The following GOLGA8B variants were observed in gnomAD, a reference collection of about 807,000 sequenced individuals.
GOLGA8B encodes the protein golgin A8 family member B.
GOLGA8B carries 1 observed loss-of-function variant against 15.6 expected under a neutral mutation model. That is an observed-to-expected ratio of 0.06 (90% CI 0.02 to 0.30). The LOEUF is 0.30. Ranked by LOEUF, GOLGA8B falls within the 10% of genes least tolerant of loss-of-function variation. GOLGA8B has a pLI of 1.00. For missense variants in GOLGA8B, 17 were observed against 201.3 expected (o/e 0.08, Z 5.54); for synonymous variants, 9 against 80.3 (o/e 0.11, Z 4.75).
At chr15:34,563,470 CTT>C (rs1374940928) in intron 1 of GOLGA8B, among the ~76,000 whole-genome samples, 3 of 148,498 alleles carry the variant, frequency 2.0e-5, no homozygotes, top group Non-Finnish European at 4.5e-5. Flanking sequence ...TAACCTCCAC[CTT>C]TGTTTGCTTT....
intron 1 of GOLGA8B, among the ~76,000 whole-genome samples, chr15:34,569,274 G>C (rs1566934980): frequency 6.9e-6 from 1 of 144,568 alleles, no homozygotes; most frequent in Non-Finnish European, 1.5e-5. Context: ...AACAGAGAAT[G>C]GATGCCTAGC....
rs1595695607 is a variant in GOLGA8B at position 34,525,579 on chromosome 15, A to G, written c.*2053T>C. 6.7e-6 allele frequency: 1 copy of G among 149,946 alleles called. No individual in the cohort carries two copies. Among genetic ancestry groups the G allele is most frequent in the East Asian group, 1.9e-4 (1 of 5,136 alleles). 9.3% of individuals were successfully genotyped at this position (149,946 alleles called of 1,614,324 possible). A position where few individuals can be genotyped will look rare whatever the true frequency, so the allele number is the denominator to read the frequency against. ...AGCAGTTACACTTTTAAATATTTAT[A>G]TTATTTTAAAATGACTCTTTAGGAT... is the stretch of plus-strand genomic sequence containing the variant. On this transcript the variant is annotated 3_prime_UTR_variant, in exon 24 of 24. Coordinates refer to ENST00000683415, the MANE Select transcript of GOLGA8B (RefSeq NM_001023567.5).
chr15:34,564,314 A>C (rs1453066090), intron 1 of GOLGA8B, among the ~76,000 whole-genome samples: 1 of 129,206 alleles, frequency 7.7e-6, no homozygotes, highest in Non-Finnish European at 1.6e-5. Flanking sequence ...TGGTCTCCAG[A>C]TTTCCCACTT....
In GOLGA8B at chr15:34,560,994, G is replaced by A. The variant is rs1279841907; in HGVS notation, c.-1122-7038C>T. On this transcript the variant is annotated intron_variant, in intron 1 of 23. Coordinates refer to ENST00000683415, the MANE Select transcript of GOLGA8B (RefSeq NM_001023567.5). ...ATTCTCCCTAGTTCTGCAGCTCTGG[G>A]GGCTGTAAGCGGCGGAGCTTCCACC... is the stretch of plus-strand genomic sequence containing the variant. 7.6e-5 allele frequency among the ~76,000 whole-genome samples: 11 copies of A among 145,600 alleles called. 2 individuals are homozygous for A. Among genetic ancestry groups the A allele is most frequent in the Admixed American group, 2.2e-4 (3 of 13,848 alleles).
intron 1 of GOLGA8B, among the ~76,000 whole-genome samples, chr15:34,579,261 G>A (rs1450548132): frequency 6.6e-6 from 1 of 151,880 alleles, no homozygotes; most frequent in Non-Finnish European, 1.5e-5. Context: ...CTCCAACCAG[G>A]CCAGGACACA....
chr15:34,543,174 T>C (rs1888239449), intron 7 of GOLGA8B, among the ~76,000 whole-genome samples: 1 of 106,968 alleles, frequency 9.3e-6, no homozygotes, highest in Non-Finnish European at 1.9e-5. Flanking sequence ...AATTCCATTT[T>C]ATATTTCCTT....
chr15:34,552,107 T>C (rs1888389448), intron 3 of GOLGA8B, among the ~76,000 whole-genome samples: 1 of 120,014 alleles, frequency 8.3e-6, no homozygotes, highest in Non-Finnish European at 1.8e-5. Context: ...TAATCACCAG[T>C]AGAATTAAAA....
chr15:34,583,334 C>T (rs574159915), intron 1 of GOLGA8B, among the ~76,000 whole-genome samples, 182 bp downstream of exon 1: 4 of 152,196 alleles, frequency 2.6e-5, no homozygotes, highest in African/African-American at 9.6e-5. Flanking sequence ...GCCAGCCGGG[C>T]TGCACCCCTA....
intron 1 of GOLGA8B, among the ~76,000 whole-genome samples, chr15:34,573,531 C>G (rs1164823251): frequency 1.1e-5 from 1 of 90,674 alleles, no homozygotes; most frequent in African/African-American, 4.2e-5. Flanking sequence ...AGTGAGACTC[C>G]GTCTCAAAAA....
intron 1 of GOLGA8B, among the ~76,000 whole-genome samples, chr15:34,580,775 C>T (rs143720620): frequency 2.2e-3 from 330 of 152,266 alleles, no homozygotes; most frequent in Non-Finnish European, 3.0e-3. Flanking sequence ...CATTGAGCAC[C>T]CCCAGCCCCT....
chr15:34,578,818 CA>C (rs1889152295), intron 1 of GOLGA8B, among the ~76,000 whole-genome samples: 1 of 152,128 alleles, frequency 6.6e-6, no homozygotes, highest in African/African-American at 2.4e-5. Flanking sequence ...GCAGGTATCT[CA>C]ACCACATATT....
intron 1 of GOLGA8B, among the ~76,000 whole-genome samples, chr15:34,578,101 T>C (rs146115260): frequency 1.3e-5 from 2 of 152,246 alleles, no homozygotes; most frequent in Non-Finnish European, 1.5e-5. Context: ...TAGTGTTCTC[T>C]GACTCACTAT....
chr15:34,579,778 G>A (rs1889180577), intron 1 of GOLGA8B, among the ~76,000 whole-genome samples: 2 of 152,188 alleles, frequency 1.3e-5, no homozygotes, highest in African/African-American at 2.4e-5. Flanking sequence ...TACTGCTCCC[G>A]TGTTTCATTC....
intron 7 of GOLGA8B, among the ~76,000 whole-genome samples, chr15:34,543,452 C>T (rs1396202120): frequency 4.5e-5 from 6 of 132,188 alleles, no homozygotes; most frequent in African/African-American, 1.8e-4. Context: ...TGCCATCCTC[C>T]CGCCTCAGCC....
rs1888084425 is a variant in GOLGA8B, at chr15:34,527,497, T to C, written c.*135A>G. 2 of 715,212 alleles carry C rather than the reference T, an allele frequency of 2.8e-6. No homozygotes were observed. Among genetic ancestry groups the C allele is most frequent in the Non-Finnish European group, 4.3e-6 (2 of 470,420 alleles). 44.3% of individuals were successfully genotyped at this position (715,212 alleles called of 1,614,324 possible). ...TAACTTTTTACAAATAAACTTAAAC[T>C]ATAAATTAGAAACACAAATAATCAT... On this transcript the variant is annotated 3_prime_UTR_variant, in exon 24 of 24. Coordinates refer to ENST00000683415, the MANE Select transcript of GOLGA8B (RefSeq NM_001023567.5).
At chr15:34,568,127 A>G (rs1326998883) in intron 1 of GOLGA8B, among the ~76,000 whole-genome samples, 2 of 150,354 alleles carry the variant, frequency 1.3e-5, no homozygotes, top group African/African-American at 4.9e-5. Flanking sequence ...AACACCCGGC[A>G]ACATGCAGAA....
At chr15:34,572,302 C>T (rs558659206) in intron 1 of GOLGA8B, among the ~76,000 whole-genome samples, 234 of 152,312 alleles carry the variant, frequency 1.5e-3, no homozygotes, top group Non-Finnish European at 2.7e-3. Flanking sequence ...CCCCGCAAGT[C>T]CACTTCTAGG....
intron 1 of GOLGA8B, among the ~76,000 whole-genome samples, chr15:34,571,187 G>A (rs1435999309): frequency 2.0e-5 from 3 of 152,178 alleles, no homozygotes; most frequent in East Asian, 3.9e-4. Context: ...TTAGCCAGGC[G>A]TGGTGGACCC....
At position 34,526,158 on chromosome 15, in the gene GOLGA8B, G is replaced by T. The variant is rs190713605; in HGVS notation, c.*1474C>A. 1 of 150,010 alleles carries T rather than the reference G, an allele frequency of 6.7e-6. No homozygotes were observed. The highest frequency in any genetic ancestry group is 1.5e-5 in the Non-Finnish European group (1 of 67,314). The allele number at this position is 150,010 out of a possible 1,614,324, so 9.3% of individuals were successfully genotyped here. On this transcript the variant is annotated 3_prime_UTR_variant, in exon 24 of 24. Transcript: ENST00000683415. ...AACATATTTCACTCTTCGTAAAGAA[G>T]TTTGTGAGGAAATACAACTCTGCGA...
Sources: gnomAD v4.1 joint callset for allele counts (sites outside exome capture counted in the v4.1 genomes callset) on GRCh38, gnomAD v4.1.1 for gene constraint, MANE v1.5 for transcripts, NCBI Gene and HGNC (gene_info 2026-07-23, HGNC 2026-07-21) for gene names.